Variants in GNE observed in about 807,000 individuals in gnomAD.
GNE encodes glucosamine (UDP-N-acetyl)-2-epimerase/N-acetylmannosamine kinase.
A neutral mutation model predicts 61.8 loss-of-function variants in GNE; 41 were observed. That is an observed-to-expected ratio of 0.66 (90% CI 0.52 to 0.86). The LOEUF (loss-of-function observed/expected upper bound fraction) is 0.86. Among genes scored for constraint, GNE ranks in the 40% least tolerant of loss-of-function variants. The pLI, the probability that GNE is intolerant of heterozygous loss-of-function variation, is 0.00. For synonymous variants in GNE, 264 were observed against 326.4 expected (o/e 0.81, Z 2.06); for missense variants, 608 against 909.1 (o/e 0.67, Z 4.26).
At chr9:36,274,115 T>TGA (rs1554668232) in intron 1 of GNE, among the ~76,000 whole-genome samples, 2 of 144,566 alleles carry the variant, frequency 1.4e-5, no homozygotes, top group African/African-American at 5.1e-5. Context: ...TGTGTGTGTG[T>TGA]GACAGGGTCT....
upstream of GNE, among the ~76,000 whole-genome samples, chr9:36,262,608 T>C (rs1008737950): frequency 1.4e-4 from 22 of 152,202 alleles, no homozygotes; most frequent in Non-Finnish European, 1.2e-4. Flanking sequence ...CTTTGTAGTA[T>C]AATAAAATCA....
At chr9:36,273,739 G>A (rs902664159) in intron 1 of GNE, among the ~76,000 whole-genome samples, 10 of 149,348 alleles carry the variant, frequency 6.7e-5, no homozygotes, top group African/African-American at 2.5e-4. Flanking sequence ...CTTAGGTTCA[G>A]GTGATTCTCC....
chr9:36,250,329 C>CTGACA, intron 1 of GNE, among the ~76,000 whole-genome samples: 1 of 152,174 alleles, frequency 6.6e-6, no homozygotes, highest in Non-Finnish European at 1.5e-5. Flanking sequence ...TACCTACACA[C>CTGACA]CAGTGCCAAC....
At chr9:36,219,229 C>T (rs1828474004) in intron 10 of GNE, among the ~76,000 whole-genome samples, 1 of 152,098 alleles carries the variant, frequency 6.6e-6, no homozygotes, top group Admixed American at 6.6e-5. Context: ...GGCAGTGATC[C>T]CCTACCTTTT....
rs1014013630 is a variant in GNE at position 36,215,861 on chromosome 9, T to C, written c.*1504A>G. On this transcript the variant is annotated 3_prime_UTR_variant, in exon 12 of 12. Coordinates refer to ENST00000642385, the MANE Select transcript of GNE (RefSeq NM_005476.7). ...AAACTCAAAACTTTAATGGACACCCTAGGGTGTTACTCAACACAGTATGAA... is the reference window on the plus strand; with the variant it reads ...AAACTCAAAACTTTAATGGACACCCCAGGGTGTTACTCAACACAGTATGAA... The C allele has an allele frequency of 6.4e-6, 1 of 157,232 alleles. No individual in the cohort carries two copies. The highest frequency in any genetic ancestry group is 6.3e-5 in the Admixed American group (1 of 15,880). The allele number at this position is 157,232 out of a possible 1,614,324, so 9.7% of individuals were successfully genotyped here. A position where few individuals can be genotyped will look rare whatever the true frequency, so the allele number is the denominator to read the frequency against.
Position 36,249,380 on chromosome 9 carries a change from G to A in GNE, c.-25C>T, listed in dbSNP as rs1158058299. 6.2e-7 allele frequency: 1 copy of A among 1,608,510 alleles called. No homozygotes were observed. The highest frequency in any genetic ancestry group is 1.3e-5 in the African/African-American group (1 of 74,712). ...TGATTTGCTTGTTTCGTTTTGAGAGGTTCTTAAAATAGAGTTCCTGAAATT... is the reference window on the plus strand; with the variant it reads ...TGATTTGCTTGTTTCGTTTTGAGAGATTCTTAAAATAGAGTTCCTGAAATT... On this transcript the variant is annotated 5_prime_UTR_variant, in exon 2 of 12. Transcript: ENST00000642385.
At chr9:36,220,753 T>TG (rs1343441736) in intron 9 of GNE, among the ~76,000 whole-genome samples, 1 of 152,252 alleles carries the variant, frequency 6.6e-6, no homozygotes, top group Non-Finnish European at 1.5e-5. Context: ...CCTTTTTTGA[T>TG]GCTGCCATGT....
chr9:36,272,743 G>A (rs1260388339), intron 1 of GNE, among the ~76,000 whole-genome samples: 2 of 151,150 alleles, frequency 1.3e-5, no homozygotes, highest in South Asian at 4.2e-4. Context: ...TGGTAATAAT[G>A]GAAATAGAGA....
At chr9:36,248,165 C>T (rs955816340) in intron 2 of GNE, among the ~76,000 whole-genome samples, 4 of 152,006 alleles carry the variant, frequency 2.6e-5, no homozygotes, top group Admixed American at 6.6e-5. Context: ...TTTATTTTAA[C>T]GCAAGGTTCT....
rs1828326151 is a variant in GNE, at chr9:36,216,727, A to T, written c.*638T>A. On this transcript the variant is annotated 3_prime_UTR_variant, in exon 12 of 12. Coordinates refer to ENST00000642385, the MANE Select transcript of GNE (RefSeq NM_005476.7). ...TGCTCTGTCACCCAGGCTGGAGTGC[A>T]GTGGTGCGGTCTCAGTTCACTGCCA... 6.6e-6 allele frequency: 1 copy of T among 150,492 alleles called. No individual in the cohort carries two copies. The highest frequency in any genetic ancestry group is 2.5e-5 in the African/African-American group (1 of 40,468). The allele number at this position is 150,492 out of a possible 1,614,324, so 9.3% of individuals were successfully genotyped here.
chr9:36,216,973 G>C lies in GNE; in HGVS notation c.*392C>G. The C allele has an allele frequency of 3.3e-6, 1 of 305,946 alleles. No individual in the cohort carries two copies. Among genetic ancestry groups the C allele is most frequent in the Admixed American group, 4.6e-5 (1 of 21,646 alleles). 19.0% of individuals were successfully genotyped at this position (305,946 alleles called of 1,614,324 possible). On this transcript the variant is annotated 3_prime_UTR_variant, in exon 12 of 12. Coordinates refer to ENST00000642385, the MANE Select transcript of GNE (RefSeq NM_005476.7). ...AGGCGTGAGCCACTGTGCCCGGCCTGGAAGGATTATTAATGCAAACTTCAG... is the reference window on the plus strand; with the variant it reads ...AGGCGTGAGCCACTGTGCCCGGCCTCGAAGGATTATTAATGCAAACTTCAG...
At chr9:36,256,016 C>T (rs1830317859) in intron 1 of GNE, among the ~76,000 whole-genome samples, 1 of 152,034 alleles carries the variant, frequency 6.6e-6, no homozygotes, top group South Asian at 2.1e-4. Flanking sequence ...CCTCCACCTC[C>T]CAGGTTGAAG....
At chr9:36,261,943 G>C (rs1830631850), upstream of GNE, among the ~76,000 whole-genome samples, 1 of 149,866 alleles carries the variant, frequency 6.7e-6, no homozygotes, top group Non-Finnish European at 1.5e-5. Flanking sequence ...AAAAAAGAAA[G>C]TCACTTGAAG....
At chr9:36,224,938 T>A (rs1241410040) in intron 7 of GNE, among the ~76,000 whole-genome samples, 1 of 152,212 alleles carries the variant, frequency 6.6e-6, no homozygotes, top group African/African-American at 2.4e-5. Flanking sequence ...TCCCTCCTGA[T>A]TACTTGTCTT....
chr9:36,218,585 C>G lies in GNE; in HGVS notation c.1817-286G>C, dbSNP rs1040616245. ...CTCACTTCTCACTTCCAGTAGCAGA[C>G]AGTCTTTGAAGTGTTCTTTTCTCCA... On this transcript the variant is annotated intron_variant, in intron 10 of 11. Coordinates refer to ENST00000642385, the MANE Select transcript of GNE (RefSeq NM_005476.7). The surrounding 1 kb of genome is among the most constrained non-coding windows in gnomAD (Gnocchi z 4.1). Among the ~76,000 whole-genome samples, 8 of 152,224 alleles carry G rather than the reference C, an allele frequency of 5.3e-5. No homozygotes were observed. Among genetic ancestry groups the G allele is most frequent in the Non-Finnish European group, 1.0e-4 (7 of 68,032 alleles).
At chr9:36,247,814 G>T (rs1247842520) in intron 2 of GNE, among the ~76,000 whole-genome samples, 7 of 151,964 alleles carry the variant, frequency 4.6e-5, no homozygotes, top group Middle Eastern at 3.2e-3. Context: ...ATCACCTGAG[G>T]TTGGGAGTTT....
chr9:36,233,256 A>G (rs1829250450), intron 5 of GNE, among the ~76,000 whole-genome samples: 1 of 152,246 alleles, frequency 6.6e-6, no homozygotes, highest in South Asian at 2.1e-4. Context: ...ACCATACTCT[A>G]AAGTACTGAC....
chr9:36,272,765 G>A (rs1831082888), intron 1 of GNE, among the ~76,000 whole-genome samples: 1 of 151,124 alleles, frequency 6.6e-6, no homozygotes, highest in South Asian at 2.1e-4. Flanking sequence ...TGAGAGGATT[G>A]GAATCATAAG....
upstream of GNE, chr9:36,258,494 G>A (rs886063929): frequency 5.2e-5 from 51 of 985,396 alleles, no homozygotes; most frequent in Non-Finnish European, 5.9e-5. Context: ...GCCCAGCCAC[G>A]CCCACCCGGA....
Sources: gnomAD v4.1 joint callset for allele counts (sites outside exome capture counted in the v4.1 genomes callset) on GRCh38, gnomAD v4.1.1 for gene constraint, Gnocchi (gnomAD v3.1) non-coding constraint, MANE v1.5 for transcripts, NCBI Gene and HGNC (gene_info 2026-07-23, HGNC 2026-07-21) for gene names.